MARK3: variants seen among roughly 807,000 people sequenced by gnomAD.
The protein encoded by MARK3 is microtubule affinity regulating kinase 3.
Under a neutral mutation model 90.1 loss-of-function variants are expected in MARK3, and 46 were observed. That is an observed-to-expected ratio of 0.51 (90% CI 0.40 to 0.65). MARK3 has a LOEUF of 0.65. Among genes scored for constraint, MARK3 ranks in the 30% least tolerant of loss-of-function variants. The probability of loss-of-function intolerance (pLI) is 0.00; values close to 1 mark genes in which losing one functional copy is unlikely to be tolerated. For missense variants in MARK3, 818 were observed against 947.2 expected (o/e 0.86, Z 1.79); for synonymous variants, 321 against 332.6 (o/e 0.97, Z 0.38).
intron 3 of MARK3, among the ~76,000 whole-genome samples, 187 bp from the exon 4 acceptor site, chr14:103,448,731 TA>T (rs1478152634): frequency 6.6e-6 from 1 of 152,236 alleles, no homozygotes; most frequent in African/African-American, 2.4e-5. Flanking sequence ...TACTATTTGG[TA>T]ATAGTTTATT....
At chr14:103,410,588 T>C (rs4906320) in intron 2 of MARK3, among the ~76,000 whole-genome samples, 52,970 of 152,044 alleles carry the variant, frequency 0.35, 9,760 homozygotes, top group East Asian at 0.5. Context: ...GTATTCATAG[T>C]GCTTTGGGAG....
intron 1 of MARK3, among the ~76,000 whole-genome samples, chr14:103,400,458 G>A (rs372343295): frequency 6.6e-6 from 1 of 152,186 alleles, no homozygotes; most frequent in East Asian, 1.9e-4. Context: ...TTTTTCAGTA[G>A]CAGTTACATA....
intron 1 of MARK3, among the ~76,000 whole-genome samples, chr14:103,397,528 T>C (rs535944097): frequency 7.3e-4 from 111 of 152,100 alleles, no homozygotes; most frequent in Non-Finnish European, 1.3e-3. Context: ...GGTTTCACCA[T>C]ATTGGCCAGG....
At position 103,472,410 on chromosome 14, in the gene MARK3, G is replaced by A. The variant is rs183643058; in HGVS notation, c.1265-2583G>A. On this transcript the variant is annotated intron_variant, in intron 12 of 17. Coordinates refer to ENST00000429436, the MANE Select transcript of MARK3 (RefSeq NM_001128918.3). Reference sequence around the variant, plus strand: ...CATAATCCCAGCACTTTGGGAGGCCGAGGTGGGCGGATCACGAGGTCAGGA... The same window carrying A: ...CATAATCCCAGCACTTTGGGAGGCCAAGGTGGGCGGATCACGAGGTCAGGA... Among the ~76,000 whole-genome samples the A allele has an allele frequency of 1.1e-3, 164 of 151,938 alleles. 1 individual carries two copies. Among genetic ancestry groups the A allele is most frequent in the African/African-American group, 3.9e-3 (163 of 41,436 alleles).
intron 14 of MARK3, among the ~76,000 whole-genome samples, chr14:103,488,156 C>T (rs2093961562): frequency 6.6e-6 from 1 of 152,190 alleles, no homozygotes; most frequent in Non-Finnish European, 1.5e-5. Flanking sequence ...TTAGAACTGT[C>T]TCTGTTGCAG....
chr14:103,449,192 T>C (rs2093069416), intron 4 of MARK3, among the ~76,000 whole-genome samples: 1 of 151,838 alleles, frequency 6.6e-6, no homozygotes, highest in East Asian at 1.9e-4. Flanking sequence ...ATCTGTACTC[T>C]GATTATAATT....
intron 12 of MARK3, among the ~76,000 whole-genome samples, chr14:103,470,340 C>G (rs2093600649): frequency 6.6e-6 from 1 of 152,060 alleles, no homozygotes. Context: ...TTCAAGGCAG[C>G]CTGTGTGTCA....
chr14:103,482,655 TCTG>T, intron 14 of MARK3, among the ~76,000 whole-genome samples: 1 of 152,346 alleles, frequency 6.6e-6, no homozygotes, highest in Non-Finnish European at 1.5e-5. Flanking sequence ...AAGACTAAGA[TCTG>T]CTCTCTGCTT....
intron 1 of MARK3, among the ~76,000 whole-genome samples, chr14:103,395,578 G>T (rs556563245): frequency 6.6e-6 from 1 of 152,026 alleles, no homozygotes. Flanking sequence ...TTTCCTGTTC[G>T]ATCCATTTTC....
chr14:103,492,634 T>G (rs1217773518), intron 15 of MARK3, among the ~76,000 whole-genome samples: 1 of 152,200 alleles, frequency 6.6e-6, no homozygotes, highest in Non-Finnish European at 1.5e-5. Flanking sequence ...TAAGTTATTT[T>G]TATTAAATGC....
intron 2 of MARK3, among the ~76,000 whole-genome samples, chr14:103,410,478 C>T (rs1362085228): frequency 3.3e-5 from 5 of 152,170 alleles, no homozygotes; most frequent in Admixed American, 1.3e-4. Context: ...GTTGCTTTTT[C>T]CCTTTTCACT....
At chr14:103,420,372 G>C (rs1349802128) in intron 2 of MARK3, among the ~76,000 whole-genome samples, 2 of 151,040 alleles carry the variant, frequency 1.3e-5, no homozygotes, top group Non-Finnish European at 3.0e-5. Flanking sequence ...TGGGACCAGA[G>C]GTGTGTACTA....
At chr14:103,474,441 T>C (rs2093682294) in intron 12 of MARK3, among the ~76,000 whole-genome samples, 1 of 152,204 alleles carries the variant, frequency 6.6e-6, no homozygotes, top group Non-Finnish European at 1.5e-5. Context: ...ACTAGTGACC[T>C]CCACCGACTT....
intron 14 of MARK3, chr14:103,491,266 G>A (rs1310367873): frequency 1.7e-5 from 6 of 361,598 alleles, no homozygotes; most frequent in African/African-American, 6.4e-5. Context: ...TGATGTCCTC[G>A]GTTGTGTATT....
intron 12 of MARK3, among the ~76,000 whole-genome samples, chr14:103,472,671 A>G (rs2141706936): frequency 6.6e-6 from 1 of 150,652 alleles, no homozygotes; most frequent in Admixed American, 6.6e-5. Context: ...AAAAAAATGA[A>G]ATTTCTGTGT....
At chr14:103,436,894 TAGCCTGACGAACATGGTG>T (rs1671508349) in intron 3 of MARK3, among the ~76,000 whole-genome samples, 2 of 152,128 alleles carry the variant, frequency 1.3e-5, no homozygotes, top group African/African-American at 4.8e-5. Flanking sequence ...AATTCGAGAC[TAGCCTGACGAACATGGTG>T]AAACCCCGTC....
chr14:103,404,474 A>T (rs1179039382), intron 1 of MARK3, among the ~76,000 whole-genome samples: 1 of 152,210 alleles, frequency 6.6e-6, no homozygotes, highest in Admixed American at 6.5e-5. Flanking sequence ...TGAATATTTC[A>T]TAGGGTAGAG....
At chr14:103,399,931 C>CT (rs892306209) in intron 1 of MARK3, among the ~76,000 whole-genome samples, 1 of 39,740 alleles carries the variant, frequency 2.5e-5, no homozygotes, top group Non-Finnish European at 4.8e-5. Flanking sequence ...CTTACCCCCC[C>CT]ACCCTCCTTT....
At chr14:103,480,322 T>C in intron 13 of MARK3, 65 bp from the exon 14 acceptor site, 1 of 961,816 alleles carries the variant, frequency 1.0e-6, no homozygotes. Context: ...TGTAGATAAG[T>C]TCATTTTTTC....
Sources: gnomAD v4.1 joint callset for allele counts (sites outside exome capture counted in the v4.1 genomes callset) on GRCh38, gnomAD v4.1.1 for gene constraint, MANE v1.5 for transcripts, NCBI Gene and HGNC (gene_info 2026-07-23, HGNC 2026-07-21) for gene names.